The following HS6ST3 variants were observed in gnomAD, a reference collection of about 807,000 sequenced individuals.
HS6ST3 encodes the protein heparan-sulfate 6-O-sulfotransferase 3.
Under a neutral mutation model 36.7 loss-of-function variants are expected in HS6ST3, and 12 were observed. The ratio of observed to expected loss-of-function variants is 0.33; its 90% CI spans 0.21 to 0.53. The LOEUF (loss-of-function observed/expected upper bound fraction) is 0.53, where lower values mean the gene tolerates loss of function less well. HS6ST3 is among the 20% of genes least tolerant of loss of function. The pLI is 0.95. For missense variants in HS6ST3, 584 were observed against 640.9 expected (o/e 0.91, Z 0.96); for synonymous variants, 240 against 257.5 (o/e 0.93, Z 0.65).
chr13:96,471,437 T>A (rs1306427591), intron 1 of HS6ST3, among the ~76,000 whole-genome samples: 1 of 152,124 alleles, frequency 6.6e-6, no homozygotes, highest in African/African-American at 2.4e-5. Context: ...GGTTGCACCT[T>A]GAGGGTGTTA....
intron 1 of HS6ST3, among the ~76,000 whole-genome samples, chr13:96,662,465 T>A (rs1269731753): frequency 6.6e-6 from 1 of 152,062 alleles, no homozygotes. Flanking sequence ...TGTTTGATAT[T>A]TTTTTAATCG....
chr13:96,616,272 C>T (rs1276170768), intron 1 of HS6ST3, among the ~76,000 whole-genome samples: 2 of 152,122 alleles, frequency 1.3e-5, no homozygotes, highest in Non-Finnish European at 2.9e-5. Context: ...AGACAATTGA[C>T]TAGAAATCAA....
intron 1 of HS6ST3, among the ~76,000 whole-genome samples, chr13:96,206,529 G>A (rs1050435363): frequency 2.6e-5 from 4 of 152,142 alleles, no homozygotes; most frequent in African/African-American, 7.2e-5. Context: ...GAACAAAGCT[G>A]GAGGCATCAT....
chr13:96,733,166 A>G (rs1876202351), intron 1 of HS6ST3, among the ~76,000 whole-genome samples: 1 of 152,066 alleles, frequency 6.6e-6, no homozygotes, highest in Non-Finnish European at 1.5e-5. Flanking sequence ...TTCCAGTACT[A>G]TGTTGGATAG....
chr13:96,672,203 C>A (rs1435931299), intron 1 of HS6ST3, among the ~76,000 whole-genome samples: 2 of 152,158 alleles, frequency 1.3e-5, no homozygotes, highest in African/African-American at 4.8e-5. Context: ...ACTCCCAATA[C>A]AGATGTATTA....
At chr13:96,094,877 T>C (rs1192677501) in intron 1 of HS6ST3, among the ~76,000 whole-genome samples, 1 of 152,182 alleles carries the variant, frequency 6.6e-6, no homozygotes, top group Non-Finnish European at 1.5e-5. Context: ...GTGTTGCTTT[T>C]CCCCCTCAGT....
intron 1 of HS6ST3, among the ~76,000 whole-genome samples, chr13:96,637,838 T>C (rs2056555214): frequency 1.3e-5 from 2 of 152,162 alleles, no homozygotes; most frequent in African/African-American, 4.8e-5. Context: ...ATTTTGTCTT[T>C]GTTTTGCTTC....
chr13:96,323,674 T>G (rs2139416323), intron 1 of HS6ST3, among the ~76,000 whole-genome samples: 1 of 152,324 alleles, frequency 6.6e-6, no homozygotes, highest in Non-Finnish European at 1.5e-5. Context: ...CCTTCCTGTC[T>G]TTAGTCAGCA....
chr13:96,526,766 T>C (rs1566387333), intron 1 of HS6ST3, among the ~76,000 whole-genome samples: 1 of 152,216 alleles, frequency 6.6e-6, no homozygotes, highest in Non-Finnish European at 1.5e-5. Context: ...GCAAATGCTG[T>C]GATCTAGTTT....
intron 1 of HS6ST3, among the ~76,000 whole-genome samples, chr13:96,175,683 A>T (rs537329486): frequency 1.9e-5 from 2 of 106,238 alleles, no homozygotes; most frequent in East Asian, 2.6e-4. Context: ...TAGCCTTTCT[A>T]GTGAATTTGG....
intron 1 of HS6ST3, among the ~76,000 whole-genome samples, chr13:96,657,224 GA>G (rs1032077396): frequency 2.2e-4 from 34 of 152,036 alleles, no homozygotes; most frequent in Non-Finnish European, 4.3e-4. Flanking sequence ...ATTTTAAAAA[GA>G]AAAAAGATAT....
chr13:96,113,377 A>G (rs2053879778), intron 1 of HS6ST3, among the ~76,000 whole-genome samples: 1 of 152,104 alleles, frequency 6.6e-6, no homozygotes, highest in Admixed American at 6.5e-5. Flanking sequence ...TAACAGATTG[A>G]CAGAGTATGA....
chr13:96,139,063 G>GT (rs1348230401), intron 1 of HS6ST3, among the ~76,000 whole-genome samples: 1 of 152,012 alleles, frequency 6.6e-6, no homozygotes, highest in African/African-American at 2.4e-5. Context: ...TACAGCAAAC[G>GT]TTTTATAATG....
intron 1 of HS6ST3, among the ~76,000 whole-genome samples, chr13:96,710,179 T>C (rs1875525329): frequency 1.3e-5 from 2 of 152,364 alleles, no homozygotes; most frequent in South Asian, 2.1e-4. Context: ...GGCTACTAAA[T>C]GTGTAACTCA....
At chr13:96,624,729 T>C (rs1030447517) in intron 1 of HS6ST3, among the ~76,000 whole-genome samples, 6 of 152,208 alleles carry the variant, frequency 3.9e-5, no homozygotes, top group African/African-American at 1.4e-4. Context: ...CTGACTCGCT[T>C]TTGTTTGCTC....
chr13:96,301,473 A>T (rs2054881386), intron 1 of HS6ST3, among the ~76,000 whole-genome samples: 2 of 152,168 alleles, frequency 1.3e-5, no homozygotes, highest in Non-Finnish European at 2.9e-5. Context: ...CTATCAGCCA[A>T]AGACTGGGGT....
intron 1 of HS6ST3, among the ~76,000 whole-genome samples, chr13:96,394,378 T>C (rs1346777618): frequency 6.6e-6 from 1 of 151,988 alleles, no homozygotes; most frequent in Non-Finnish European, 1.5e-5. Flanking sequence ...CGTCTTGAGA[T>C]AAGGGATAAA....
intron 1 of HS6ST3, among the ~76,000 whole-genome samples, chr13:96,743,091 A>G (rs1876481433): frequency 6.6e-6 from 1 of 152,082 alleles, no homozygotes; most frequent in Non-Finnish European, 1.5e-5. Flanking sequence ...TCATGTAGCA[A>G]CAGTAAGGAA....
At chr13:96,689,606 CTTTTT>C (rs34000071) in intron 1 of HS6ST3, among the ~76,000 whole-genome samples, 8 of 101,216 alleles carry the variant, frequency 7.9e-5, no homozygotes, top group African/African-American at 2.7e-4. Context: ...TTCTTTCTTT[CTTTTT>C]TTTTTTTTTT....
Sources: allele counts gnomAD v4.1 joint callset (sites outside exome capture counted in the v4.1 genomes callset), GRCh38; gene constraint gnomAD v4.1.1; transcripts MANE v1.5; gene names NCBI Gene and HGNC (gene_info 2026-07-23, HGNC 2026-07-21).